PRKCE: variants seen among roughly 807,000 people sequenced by gnomAD.
PRKCE encodes the protein protein kinase C epsilon type.
PRKCE carries 16 observed loss-of-function variants against 85.4 expected under a neutral mutation model. The ratio of observed to expected loss-of-function variants is 0.19; its 90% CI spans 0.13 to 0.28. PRKCE has a LOEUF of 0.28. PRKCE is among the 10% of genes least tolerant of loss of function. The probability of loss-of-function intolerance (pLI) is 1.00; values close to 1 mark genes in which losing one functional copy is unlikely to be tolerated. For synonymous variants in PRKCE, 388 were observed against 371.5 expected (o/e 1.04, Z -0.51); for missense variants, 573 against 975.2 (o/e 0.59, Z 5.49).
chr2:45,839,271 G>C (rs1483430802), intron 1 of PRKCE, among the ~76,000 whole-genome samples: 1 of 152,152 alleles, frequency 6.6e-6, no homozygotes, highest in African/African-American at 2.4e-5. Flanking sequence ...TCACTCAGCT[G>C]ATAAAGGACA....
chr2:46,152,165 A>T (rs1295533771), intron 13 of PRKCE, among the ~76,000 whole-genome samples: 1 of 152,058 alleles, frequency 6.6e-6, no homozygotes, highest in African/African-American at 2.4e-5. Flanking sequence ...TTACCTGATT[A>T]TATGTATTTT....
At chr2:45,686,876 G>A (rs1478121368) in intron 1 of PRKCE, among the ~76,000 whole-genome samples, 2 of 152,070 alleles carry the variant, frequency 1.3e-5, no homozygotes, top group Admixed American at 6.6e-5. Flanking sequence ...AGTGAAGAAT[G>A]GTAGATTATT....
At chr2:45,773,409 C>T (rs929047419) in intron 1 of PRKCE, among the ~76,000 whole-genome samples, 1 of 152,212 alleles carries the variant, frequency 6.6e-6, no homozygotes, top group Admixed American at 6.5e-5. Context: ...GACATCAACT[C>T]ATCTGCTACT....
At chr2:45,820,685 A>C (rs1689458852) in intron 1 of PRKCE, among the ~76,000 whole-genome samples, 1 of 152,194 alleles carries the variant, frequency 6.6e-6, no homozygotes, top group Non-Finnish European at 1.5e-5. Context: ...ACACAAATGC[A>C]ATTGAAGTTT....
chr2:45,925,947 G>A (rs190894301), intron 2 of PRKCE, among the ~76,000 whole-genome samples: 1 of 152,364 alleles, frequency 6.6e-6, no homozygotes, highest in African/African-American at 2.4e-5. Flanking sequence ...GCGATTCGGT[G>A]GGGGAGGCAA....
chr2:45,817,470 A>G lies in PRKCE; in HGVS notation c.349-25530A>G, dbSNP rs543189911. On this transcript the variant is annotated intron_variant, in intron 1 of 14. Coordinates refer to ENST00000306156, the MANE Select transcript of PRKCE (RefSeq NM_005400.3). ...TCACTTTGGGAGGCTGAGGAGGGCGAATCACGAGGTCAGGAGATCGAGACC... is the reference window on the plus strand; with the variant it reads ...TCACTTTGGGAGGCTGAGGAGGGCGGATCACGAGGTCAGGAGATCGAGACC... 3.2e-3 allele frequency among the ~76,000 whole-genome samples: 494 copies of G among 152,148 alleles called. 3 individuals carry two copies. The highest frequency in any genetic ancestry group is 0.011 in the African/African-American group (447 of 41,506).
intron 2 of PRKCE, among the ~76,000 whole-genome samples, chr2:45,939,655 A>G (rs995658442): frequency 6.6e-6 from 1 of 152,038 alleles, no homozygotes; most frequent in Non-Finnish European, 1.5e-5. Context: ...CCTGGGTTCA[A>G]GTGATTCTCC....
chr2:46,043,282 C>T (rs1708323234), intron 10 of PRKCE, among the ~76,000 whole-genome samples: 1 of 152,074 alleles, frequency 6.6e-6, no homozygotes, highest in South Asian at 2.1e-4. Context: ...AATTACAGCC[C>T]CTAAAAATGT....
chr2:45,867,361 T>C (rs528811249), intron 2 of PRKCE, among the ~76,000 whole-genome samples: 92 of 152,348 alleles, frequency 6.0e-4, no homozygotes, highest in African/African-American at 2.2e-3. Flanking sequence ...TTTTAAACTT[T>C]TAAAGTATAA....
Position 45,905,606 on chromosome 2 carries a change from G to A in PRKCE, c.412+62543G>A, listed in dbSNP as rs1264964885. Among the ~76,000 whole-genome samples the A allele has an allele frequency of 6.6e-6, 1 of 152,168 alleles. No homozygotes were observed. Among genetic ancestry groups the A allele is most frequent in the Non-Finnish European group, 1.5e-5 (1 of 68,028 alleles). On this transcript the variant is annotated intron_variant, in intron 2 of 14. Transcript: ENST00000306156. The surrounding 1 kb of genome is among the most constrained non-coding windows in gnomAD (Gnocchi z 4.4). ...GCTTTCACCGGGCTCTGTGTATCCT[G>A]GCCCTGCAAGTCCTTTCTAAGGGGC...
chr2:46,178,678 G>A (rs1679677130), intron 14 of PRKCE, among the ~76,000 whole-genome samples: 1 of 152,194 alleles, frequency 6.6e-6, no homozygotes, highest in Admixed American at 6.5e-5. Flanking sequence ...ATTTAAAAGA[G>A]AAAAGTGGAG....
chr2:45,960,468 G>A (rs1701297615), intron 2 of PRKCE, among the ~76,000 whole-genome samples: 1 of 152,208 alleles, frequency 6.6e-6, no homozygotes, highest in African/African-American at 2.4e-5. Flanking sequence ...TGGTGTGGGG[G>A]GCAGAAGGGG....
intron 1 of PRKCE, among the ~76,000 whole-genome samples, chr2:45,668,832 A>G (rs1184901856): frequency 6.6e-6 from 1 of 152,190 alleles, no homozygotes; most frequent in Admixed American, 6.5e-5. Context: ...ACATGTAAGT[A>G]ATAGTGATGA....
At chr2:45,852,619 G>A (rs1036739154) in intron 2 of PRKCE, among the ~76,000 whole-genome samples, 10 of 152,298 alleles carry the variant, frequency 6.6e-5, no homozygotes, top group African/African-American at 2.2e-4. Flanking sequence ...CTCTGTACAC[G>A]GAGAGGGGTG....
chr2:46,113,670 A>G (rs1672478339), intron 11 of PRKCE, among the ~76,000 whole-genome samples: 1 of 152,230 alleles, frequency 6.6e-6, no homozygotes, highest in African/African-American at 2.4e-5. Context: ...CCTGGCTTGC[A>G]GTGGGAAGGG....
At chr2:45,779,102 A>T (rs1685979740) in intron 1 of PRKCE, among the ~76,000 whole-genome samples, 1 of 152,242 alleles carries the variant, frequency 6.6e-6, no homozygotes, top group African/African-American at 2.4e-5. Context: ...ACCCAGGCTC[A>T]GTAAGATTAA....
chr2:45,783,202 T>A (rs1298139365), intron 1 of PRKCE, among the ~76,000 whole-genome samples: 2 of 152,194 alleles, frequency 1.3e-5, no homozygotes, highest in African/African-American at 4.8e-5. Flanking sequence ...TTCCAGCTCC[T>A]TTACGCACAG....
chr2:45,882,990 A>G (rs1694992329), intron 2 of PRKCE, among the ~76,000 whole-genome samples: 2 of 152,258 alleles, frequency 1.3e-5, no homozygotes, highest in Admixed American at 6.5e-5. Flanking sequence ...CACTCCCCGC[A>G]GCAATGAGTG....
chr2:45,838,922 A>G (rs1425856076), intron 1 of PRKCE, among the ~76,000 whole-genome samples: 4 of 152,136 alleles, frequency 2.6e-5, no homozygotes, highest in African/African-American at 4.8e-5. Flanking sequence ...TGCCTTTTTC[A>G]TGATAACTGC....
Sources: allele counts gnomAD v4.1 joint callset (sites outside exome capture counted in the v4.1 genomes callset), GRCh38; gene constraint gnomAD v4.1.1; non-coding constraint Gnocchi (gnomAD v3.1); transcripts MANE v1.5; gene names NCBI Gene and HGNC (gene_info 2026-07-23, HGNC 2026-07-21).